Variants in RPH3AL observed in about 807,000 individuals in gnomAD.
The protein encoded by RPH3AL is rabphilin 3A like (without C2 domains).
In RPH3AL, 38 loss-of-function variants were observed where a neutral mutation model predicts 43.1. That is an observed-to-expected ratio of 0.88 (90% CI 0.68 to 1.15). RPH3AL has a LOEUF of 1.15. Among genes scored for constraint, RPH3AL ranks in the 50% most tolerant of loss-of-function variants. RPH3AL has a pLI of 0.00. For missense variants in RPH3AL, 462 were observed against 423.2 expected (o/e 1.09, Z -0.81); for synonymous variants, 189 against 176.3 (o/e 1.07, Z -0.57).
chr17:338,114 C>G (rs2045009932), intron 1 of RPH3AL, among the ~76,000 whole-genome samples: 1 of 152,164 alleles, frequency 6.6e-6, no homozygotes, highest in Non-Finnish European at 1.5e-5. Context: ...AGGCCTGAAA[C>G]AGTGTAGGTG....
chr17:234,900 G>T (rs2041326718), intron 7 of RPH3AL, among the ~76,000 whole-genome samples: 1 of 152,208 alleles, frequency 6.6e-6, no homozygotes, highest in African/African-American at 2.4e-5. Flanking sequence ...GCTCTGGGCG[G>T]TCAGCAATCC....
In RPH3AL at chr17:247,103, G is replaced by T; in HGVS notation, c.613+8C>A. On this transcript the variant is annotated splice_region_variant and intron_variant, in intron 7 of 9. Coordinates refer to ENST00000331302, the MANE Select transcript of RPH3AL (RefSeq NM_006987.4). ...GGCCATCCTGGGAGAGAGGCAGAGGGGACTTACCTCTTCCTCGGGCCCACG... is the reference window on the plus strand; with the variant it reads ...GGCCATCCTGGGAGAGAGGCAGAGGTGACTTACCTCTTCCTCGGGCCCACG... 6.2e-7 allele frequency: 1 copy of T among 1,614,046 alleles called. No homozygotes were observed. Among genetic ancestry groups the T allele is most frequent in the Non-Finnish European group, 8.5e-7 (1 of 1,179,924 alleles).
rs1377239550 is a variant in RPH3AL, at chr17:245,107, A to C, written c.613+2004T>G. 1.3e-5 allele frequency among the ~76,000 whole-genome samples: 2 copies of C among 149,136 alleles called. No homozygotes were observed. Among genetic ancestry groups the C allele is most frequent in the African/African-American group, 5.0e-5 (2 of 40,166 alleles). On this transcript the variant is annotated intron_variant, in intron 7 of 9. Coordinates refer to ENST00000331302, the MANE Select transcript of RPH3AL (RefSeq NM_006987.4). The surrounding 1 kb of genome is among the most constrained non-coding windows in gnomAD (Gnocchi z 5.9). Reference sequence around the variant, plus strand: ...CGCAAGTGTGTGTAGACGTGTGTGTACATGTGGATGTGTGTGTGGATGTGT... The same window carrying C: ...CGCAAGTGTGTGTAGACGTGTGTGTCCATGTGGATGTGTGTGTGGATGTGT...
intron 6 of RPH3AL, among the ~76,000 whole-genome samples, chr17:252,335 A>G (rs1324519801): frequency 1.7e-4 from 26 of 152,222 alleles, no homozygotes; most frequent in African/African-American, 6.0e-4. Flanking sequence ...GCACAACAAA[A>G]AAGTAAAATG....
intron 7 of RPH3AL, among the ~76,000 whole-genome samples, chr17:242,271 TTCCTCTATTGACTACC>T (rs1555537342): frequency 1.5e-5 from 2 of 132,560 alleles, no homozygotes; most frequent in Non-Finnish European, 3.3e-5. Flanking sequence ...ATTGATTACC[TTCCTCTATTGACTACC>T]TTCCTCTATT....
At chr17:273,204 A>C (rs183873928) in intron 6 of RPH3AL, among the ~76,000 whole-genome samples, 8 of 54,092 alleles carry the variant, frequency 1.5e-4, no homozygotes, top group African/African-American at 2.7e-4. Context: ...GACCCCAGCG[A>C]GGGTGACGTC....
chr17:305,998 G>A (rs1038309260), intron 5 of RPH3AL, among the ~76,000 whole-genome samples: 1 of 148,522 alleles, frequency 6.7e-6, no homozygotes, highest in African/African-American at 2.5e-5. Context: ...AGTTGGAAAC[G>A]TAACTGGGCA....
At chr17:230,794 G>T (rs543529623) in intron 7 of RPH3AL, among the ~76,000 whole-genome samples, 33 of 151,102 alleles carry the variant, frequency 2.2e-4, no homozygotes, top group African/African-American at 7.2e-4. Context: ...GTGTGTCTCT[G>T]GGGCCTTCAC....
intron 5 of RPH3AL, among the ~76,000 whole-genome samples, chr17:316,518 A>C (rs2044204130): frequency 7.1e-6 from 1 of 140,972 alleles, no homozygotes; most frequent in African/African-American, 2.7e-5. Flanking sequence ...CTCCACCTCC[A>C]GTGACCTGTA....
intron 5 of RPH3AL, among the ~76,000 whole-genome samples, chr17:315,280 C>G (rs74185969): frequency 8.6e-5 from 1 of 11,634 alleles, no homozygotes; most frequent in Non-Finnish European, 4.8e-4. Context: ...GACCTGTAGT[C>G]CCTGTGCCCC....
rs1172299841 is a variant in RPH3AL, at chr17:323,692, C to A, written c.78-2277G>T. Among the ~76,000 whole-genome samples, 2 of 152,196 alleles carry A rather than the reference C, an allele frequency of 1.3e-5. No individual in the cohort carries two copies. The highest frequency in any genetic ancestry group is 2.9e-5 in the Non-Finnish European group (2 of 68,020). ...AGGGACAGAAGCATCAGCACCGCCA[C>A]CACTGCCTGTCCTGATGGACACGGG... On this transcript the variant is annotated intron_variant, in intron 3 of 9. Coordinates refer to ENST00000331302, the MANE Select transcript of RPH3AL (RefSeq NM_006987.4). The surrounding 1 kb of genome is among the most constrained non-coding windows in gnomAD (Gnocchi z 4.4).
At chr17:296,784 G>C (rs921183655) in intron 5 of RPH3AL, among the ~76,000 whole-genome samples, 2 of 152,224 alleles carry the variant, frequency 1.3e-5, no homozygotes, top group African/African-American at 4.8e-5. Context: ...GGTGTGGAAG[G>C]GTTCTACGTG....
intron 6 of RPH3AL, among the ~76,000 whole-genome samples, chr17:250,302 C>T (rs1437963937): frequency 4.7e-4 from 54 of 116,110 alleles, no homozygotes; most frequent in Middle Eastern, 5.9e-3. Flanking sequence ...TCCGTTGCTG[C>T]GGGACCTCTC....
At chr17:217,402 C>G (rs77063415) in intron 8 of RPH3AL, among the ~76,000 whole-genome samples, 265 of 37,702 alleles carry the variant, frequency 7.0e-3, no homozygotes, top group African/African-American at 0.013. Flanking sequence ...GTTCCCATCT[C>G]GGGCAGTTAT....
intron 1 of RPH3AL, among the ~76,000 whole-genome samples, chr17:349,812 T>C (rs1457290880): frequency 6.6e-6 from 1 of 152,224 alleles, no homozygotes; most frequent in Non-Finnish European, 1.5e-5. Context: ...TTTTATGTAG[T>C]AATAGCAGCA....
At position 320,849 on chromosome 17, in the gene RPH3AL, G is replaced by A. The variant is rs570330889; in HGVS notation, c.221+423C>T. The stretch of plus-strand genomic sequence containing the variant: ...GCTGTGGTCGGCGCTGGAGGCGGAG[G>A]CCAGGAGAGGCACGTAGAGCCAGGC... On this transcript the variant is annotated intron_variant, in intron 4 of 9. Transcript: ENST00000331302. 7.9e-5 allele frequency among the ~76,000 whole-genome samples: 12 copies of A among 152,356 alleles called. No individual in the cohort carries two copies. The East Asian group carries it at 1.4e-3, about 17-fold the overall frequency.
chr17:229,658 G>A (rs1181352434), intron 7 of RPH3AL, among the ~76,000 whole-genome samples: 1 of 152,246 alleles, frequency 6.6e-6, no homozygotes, highest in East Asian at 1.9e-4. Context: ...ACAGCTGAAT[G>A]GGGAGGGGCT....
chr17:224,890 C>CA (rs983701360), intron 7 of RPH3AL, among the ~76,000 whole-genome samples: 3 of 147,044 alleles, frequency 2.0e-5, no homozygotes, highest in African/African-American at 7.5e-5. Flanking sequence ...TGCATGTTCT[C>CA]ACTCATAGGT....
Position 272,978 on chromosome 17 carries a change from CAAGGGCTACGTCAGGGTGA to C in RPH3AL, c.438+8771_438+8789del, listed in dbSNP as rs1567604410. Among the ~76,000 whole-genome samples the C allele has an allele frequency of 2.4e-3, 249 of 101,988 alleles. 5 individuals are homozygous for C. Among genetic ancestry groups the C allele is most frequent in the African/African-American group, 6.8e-3 (234 of 34,368 alleles). 66.9% of individuals were successfully genotyped at this position (101,988 alleles called of 152,430 possible). ...GGGCTACGTCAGGGTGAGACCCCAG[CAAGGGCTACGTCAGGGTGA>C]GACCCCAGCGAGGGCGACATCAGGA... On this transcript the variant is annotated intron_variant, in intron 6 of 9. Transcript: ENST00000331302.
Sources: allele counts gnomAD v4.1 joint callset (sites outside exome capture counted in the v4.1 genomes callset), GRCh38; gene constraint gnomAD v4.1.1; non-coding constraint Gnocchi (gnomAD v3.1); transcripts MANE v1.5; gene names NCBI Gene and HGNC (gene_info 2026-07-23, HGNC 2026-07-21).